KIAA0319L: variants seen among roughly 807,000 people sequenced by gnomAD.
KIAA0319L encodes the protein KIAA0319 like.
A neutral mutation model predicts 120.1 loss-of-function variants in KIAA0319L; 55 were observed. The ratio of observed to expected loss-of-function variants is 0.46; its 90% CI spans 0.37 to 0.57. The LOEUF is 0.57. KIAA0319L is among the 20% of genes least tolerant of loss of function. The probability of loss-of-function intolerance (pLI) is 0.00; values close to 1 mark genes in which losing one functional copy is unlikely to be tolerated. For missense variants in KIAA0319L, 1,049 were observed against 1,255.3 expected (o/e 0.84, Z 2.48); for synonymous variants, 398 against 471.9 (o/e 0.84, Z 2.03).
chr1:35,540,202 T>G (rs1372117061), intron 2 of KIAA0319L, among the ~76,000 whole-genome samples: 2 of 152,240 alleles, frequency 1.3e-5, no homozygotes, highest in Non-Finnish European at 2.9e-5. Context: ...CATTCCTCCC[T>G]GCTTCTGTTT....
At chr1:35,478,829 A>AGGGG in intron 4 of KIAA0319L, 137 bp downstream of exon 4, 6 of 1,019,808 alleles carry the variant, frequency 5.9e-6, no homozygotes, top group Non-Finnish European at 8.6e-6. Flanking sequence ...CCATGACTGC[A>AGGGG]GGGGCAATGA....
chr1:35,435,944 G>A (rs932551364), intron 20 of KIAA0319L, among the ~76,000 whole-genome samples: 2 of 152,192 alleles, frequency 1.3e-5, no homozygotes, highest in African/African-American at 2.4e-5. Flanking sequence ...GCCAACAGGT[G>A]GCACCCCCTC....
At chr1:35,435,344 A>C (rs1640699493) in intron 20 of KIAA0319L, 1 of 413,450 alleles carries the variant, frequency 2.4e-6, no homozygotes, top group Non-Finnish European at 4.3e-6. Flanking sequence ...AGTATCCATG[A>C]GCTTTGGTTC....
intron 3 of KIAA0319L, among the ~76,000 whole-genome samples, chr1:35,485,187 G>A (rs527376754): frequency 3.3e-5 from 5 of 151,886 alleles, no homozygotes; most frequent in Non-Finnish European, 2.9e-5. Flanking sequence ...AGTAGCTATC[G>A]ATTGTTTTAT....
intron 2 of KIAA0319L, among the ~76,000 whole-genome samples, chr1:35,545,656 G>A (rs1429329107): frequency 6.6e-6 from 1 of 152,204 alleles, no homozygotes; most frequent in African/African-American, 2.4e-5. Context: ...GCTCACACCT[G>A]TAACCCCAGC....
chr1:35,474,702 G>A, intron 5 of KIAA0319L, 103 bp downstream of exon 5: 1 of 654,302 alleles, frequency 1.5e-6, no homozygotes, highest in Non-Finnish European at 2.7e-6. Flanking sequence ...AAGGTGGGAG[G>A]ATCTCCTGAG....
intron 16 of KIAA0319L, among the ~76,000 whole-genome samples, chr1:35,446,724 T>C (rs1292074379): frequency 1.3e-5 from 2 of 152,182 alleles, no homozygotes; most frequent in Admixed American, 1.3e-4. Flanking sequence ...TGCTACCTCT[T>C]CTTTCTCTGC....
At chr1:35,444,942 A>G (rs970500001) in intron 16 of KIAA0319L, among the ~76,000 whole-genome samples, 1 of 152,182 alleles carries the variant, frequency 6.6e-6, no homozygotes, top group Non-Finnish European at 1.5e-5. Flanking sequence ...CCACATGTGA[A>G]CTCACATCTG....
intron 3 of KIAA0319L, among the ~76,000 whole-genome samples, chr1:35,493,221 A>C (rs973687561): frequency 6.6e-6 from 1 of 152,200 alleles, no homozygotes; most frequent in Non-Finnish European, 1.5e-5. Flanking sequence ...ATATACAAAA[A>C]GTAATTGTAT....
rs563260422 is a variant in KIAA0319L, at chr1:35,517,342, AT to A, written c.143-10208del. Reference sequence around the variant, plus strand: ...ACAGGGCTACAGCAACCAAAACAGCATGGTAATGGTACAAAAATTGGCACAT... The same window carrying A: ...ACAGGGCTACAGCAACCAAAACAGCAGGTAATGGTACAAAAATTGGCACAT... On this transcript the variant is annotated intron_variant, in intron 2 of 20. Coordinates refer to ENST00000325722, the MANE Select transcript of KIAA0319L (RefSeq NM_024874.5). 6.5e-3 allele frequency among the ~76,000 whole-genome samples: 989 copies of A among 152,352 alleles called. 15 individuals are homozygous for A. Among genetic ancestry groups the A allele is most frequent in the African/African-American group, 0.021 (876 of 41,578 alleles).
At chr1:35,492,520 TA>T (rs1372103979) in intron 3 of KIAA0319L, among the ~76,000 whole-genome samples, 3 of 151,374 alleles carry the variant, frequency 2.0e-5, no homozygotes, top group African/African-American at 4.8e-5. Context: ...TCTCAAAAAA[TA>T]ATAAATTAAT....
rs779251390 is a variant in KIAA0319L at position 35,506,803 on chromosome 1, C to T, written c.475G>A (p.Ala159Thr). The T allele has an allele frequency of 1.9e-6, 3 of 1,614,174 alleles. No homozygotes were observed. The highest frequency in any genetic ancestry group is 3.3e-5 in the Admixed American group (2 of 60,026). The change falls in exon 3 of 21, where the codon GCA becomes ACA. Residue 159 changes from alanine (A) to threonine (T), a missense_variant. Ala to Thr is a moderately conservative substitution (Grantham distance 58). Coordinates refer to ENST00000325722, the MANE Select transcript of KIAA0319L (RefSeq NM_024874.5). This position sits in a 1 kb window ranked among gnomAD's most constrained non-coding sequence, Gnocchi z 4.0. ...PHLLGLGWNWASWRQSPPRAA... is the reference protein window; with the variant it reads ...PHLLGLGWNWTSWRQSPPRAA... Reference sequence around the variant, plus strand: ...CTGGGTGGGCTCTGCCTCCAAGATGCCCAGTTCCAACCTAGCCCCAGAAGA... The same window carrying T: ...CTGGGTGGGCTCTGCCTCCAAGATGTCCAGTTCCAACCTAGCCCCAGAAGA...
intron 8 of KIAA0319L, 96 bp from the exon 9 acceptor site, chr1:35,460,533 A>C: frequency 8.7e-7 from 1 of 1,147,528 alleles, no homozygotes; most frequent in Non-Finnish European, 1.2e-6. Flanking sequence ...AGAGATTTGA[A>C]GCTAGGAAAA....
At chr1:35,552,527 T>C (rs1197069547) in intron 2 of KIAA0319L, among the ~76,000 whole-genome samples, 2 of 152,188 alleles carry the variant, frequency 1.3e-5, no homozygotes, top group East Asian at 3.8e-4. Context: ...TCCTTATCTA[T>C]AAAATGAGAA....
At chr1:35,497,557 G>A (rs80286532) in intron 3 of KIAA0319L, among the ~76,000 whole-genome samples, 1,785 of 152,214 alleles carry the variant, frequency 0.012, 34 homozygotes, top group African/African-American at 0.041. Flanking sequence ...TAGACATAGA[G>A]ATAGATATAA....
At chr1:35,514,973 T>C (rs1029048540) in intron 2 of KIAA0319L, among the ~76,000 whole-genome samples, 1 of 152,192 alleles carries the variant, frequency 6.6e-6, no homozygotes, top group South Asian at 2.1e-4. Context: ...TACTCTAAAA[T>C]TGACCACATA....
chr1:35,460,474 C>G, intron 8 of KIAA0319L, 37 bp from the exon 9 acceptor site: 1 of 1,604,616 alleles, frequency 6.2e-7, no homozygotes, highest in Non-Finnish European at 8.5e-7. Context: ...AACATGAGAA[C>G]GCTTGGTCTT....
At chr1:35,445,490 T>G (rs1423036664) in intron 16 of KIAA0319L, among the ~76,000 whole-genome samples, 1 of 152,202 alleles carries the variant, frequency 6.6e-6, no homozygotes, top group Non-Finnish European at 1.5e-5. Context: ...CAAATACTTG[T>G]GTGAATATCT....
rs1435447508 is a variant in KIAA0319L at position 35,497,739 on chromosome 1, G to A, written c.666+8873C>T. Reference sequence around the variant, plus strand: ...AAGAGCCATTCATGCACCCAAAAGCGTATTTATAACGATTGCACAATGTCC... The same window carrying A: ...AAGAGCCATTCATGCACCCAAAAGCATATTTATAACGATTGCACAATGTCC... On this transcript the variant is annotated intron_variant, in intron 3 of 20. Transcript: ENST00000325722. Among the ~76,000 whole-genome samples, 16 of 152,242 alleles carry A rather than the reference G, an allele frequency of 1.1e-4. No homozygotes were observed. In the East Asian group the frequency reaches 1.7e-3, roughly 17 times the overall value.
Sources: allele counts gnomAD v4.1 joint callset (sites outside exome capture counted in the v4.1 genomes callset), GRCh38; gene constraint gnomAD v4.1.1; non-coding constraint Gnocchi (gnomAD v3.1); transcripts MANE v1.5; gene names NCBI Gene and HGNC (gene_info 2026-07-23, HGNC 2026-07-21).